The following IDE variants were observed in gnomAD, a reference collection of about 807,000 sequenced individuals.
IDE encodes insulin degrading enzyme.
A neutral mutation model predicts 133.2 loss-of-function variants in IDE; 58 were observed. The observed-to-expected ratio is 0.44, with a 90% CI of 0.35 to 0.54. The LOEUF is 0.54. Among genes scored for constraint, IDE ranks in the 20% least tolerant of loss-of-function variants. The probability of loss-of-function intolerance (pLI) is 0.00; values close to 1 mark genes in which losing one functional copy is unlikely to be tolerated. For synonymous variants in IDE, 396 were observed against 421.3 expected (o/e 0.94, Z 0.73); for missense variants, 981 against 1,234.0 (o/e 0.79, Z 3.07).
intron 1 of IDE, among the ~76,000 whole-genome samples, chr10:92,573,584 G>A (rs1034193773): frequency 6.6e-6 from 1 of 152,182 alleles, no homozygotes; most frequent in Non-Finnish European, 1.5e-5. Flanking sequence ...GGAGAGTGAC[G>A]CGGCGCGGCT....
At chr10:92,467,117 C>G (rs1845735481) in intron 19 of IDE, among the ~76,000 whole-genome samples, 2 of 152,028 alleles carry the variant, frequency 1.3e-5, no homozygotes, top group African/African-American at 4.8e-5. Flanking sequence ...CTCTGGCACC[C>G]AGACTGGAGT....
rs186796901 is a variant in IDE, at chr10:92,467,304, T to G, written c.2321-1461A>C. ...CCCAGCCTAATCTCAAATTCCTGGC[T>G]TCAAGCAATCTTTTTACCTTGGCCT... On this transcript the variant is annotated intron_variant, in intron 19 of 24. Coordinates refer to ENST00000265986, the MANE Select transcript of IDE (RefSeq NM_004969.4). Among the ~76,000 whole-genome samples, 17 of 152,152 alleles carry G rather than the reference T, an allele frequency of 1.1e-4. No individual in the cohort carries two copies. The East Asian group carries it at 3.3e-3, about 30-fold the overall frequency.
chr10:92,462,619 A>G (rs1384121730), intron 21 of IDE, among the ~76,000 whole-genome samples: 2 of 152,140 alleles, frequency 1.3e-5, no homozygotes, highest in Admixed American at 1.3e-4. Context: ...AAAAAAAAAT[A>G]ATAAGTGGAT....
chr10:92,562,552 C>A (rs568729882), intron 1 of IDE, among the ~76,000 whole-genome samples: 1 of 152,124 alleles, frequency 6.6e-6, no homozygotes, highest in Non-Finnish European at 1.5e-5. Context: ...AACTGGATGG[C>A]AGTTTAAAGT....
intron 1 of IDE, among the ~76,000 whole-genome samples, chr10:92,568,652 C>T (rs1373835260): frequency 1.3e-5 from 2 of 151,980 alleles, no homozygotes; most frequent in African/African-American, 4.8e-5. Flanking sequence ...CCCATGTCTA[C>T]TAAAAATACA....
At chr10:92,560,439 C>T (rs959212641) in intron 1 of IDE, among the ~76,000 whole-genome samples, 3 of 152,128 alleles carry the variant, frequency 2.0e-5, no homozygotes, top group Non-Finnish European at 4.4e-5. Context: ...ACTGTTTGCT[C>T]TCTTTTCTCC....
intron 9 of IDE, among the ~76,000 whole-genome samples, 184 bp downstream of exon 9, chr10:92,507,391 C>G (rs1218801402): frequency 6.6e-6 from 1 of 152,090 alleles, no homozygotes; most frequent in Non-Finnish European, 1.5e-5. Context: ...AGTTGTGCCC[C>G]AAGTAGCAAA....
chr10:92,561,266 T>A (rs890028673), intron 1 of IDE, among the ~76,000 whole-genome samples: 3 of 144,622 alleles, frequency 2.1e-5, no homozygotes, highest in Non-Finnish European at 4.6e-5. Flanking sequence ...AAAAAAAAAA[T>A]AAATAAGTAA....
At chr10:92,482,338 A>C (rs1207147608) in intron 14 of IDE, among the ~76,000 whole-genome samples, 1 of 152,234 alleles carries the variant, frequency 6.6e-6, no homozygotes, top group Non-Finnish European at 1.5e-5. Context: ...ATTAACACAC[A>C]AATAAGTAAA....
intron 2 of IDE, among the ~76,000 whole-genome samples, chr10:92,535,990 T>C (rs1414610855): frequency 1.3e-5 from 2 of 149,844 alleles, no homozygotes; most frequent in Admixed American, 6.7e-5. Flanking sequence ...GAGCGGAGAT[T>C]GCGCCACTGC....
chr10:92,560,021 A>G (rs931503944), intron 1 of IDE, among the ~76,000 whole-genome samples: 1 of 152,218 alleles, frequency 6.6e-6, no homozygotes, highest in African/African-American at 2.4e-5. Context: ...CTTATTTAAA[A>G]ACTCAATTGT....
chr10:92,515,687 T>C (rs999696907), intron 4 of IDE, among the ~76,000 whole-genome samples: 7 of 149,710 alleles, frequency 4.7e-5, no homozygotes, highest in South Asian at 2.2e-4. Flanking sequence ...TCTGCCTCTC[T>C]AGTAGCTGGA....
At chr10:92,524,830 G>A (rs1334614912) in intron 4 of IDE, among the ~76,000 whole-genome samples, 1 of 151,966 alleles carries the variant, frequency 6.6e-6, no homozygotes, top group Middle Eastern at 3.4e-3. Flanking sequence ...GCTGAGGCAG[G>A]AGAATTGCTT....
intron 12 of IDE, 48 bp from the exon 13 acceptor site, chr10:92,487,366 A>C (rs1379984757): frequency 6.6e-7 from 1 of 1,505,838 alleles, no homozygotes; most frequent in East Asian, 2.3e-5. Context: ...CTGATTTAAG[A>C]GTTTAAAATA....
chr10:92,477,854 G>A (rs533509551), intron 15 of IDE, among the ~76,000 whole-genome samples: 1 of 152,074 alleles, frequency 6.6e-6, no homozygotes, highest in Non-Finnish European at 1.5e-5. Flanking sequence ...TCTGGGAATG[G>A]TTAGATTAAT....
intron 5 of IDE, among the ~76,000 whole-genome samples, chr10:92,511,101 A>AC (rs1848604007): frequency 7.6e-6 from 1 of 132,436 alleles, no homozygotes; most frequent in South Asian, 2.4e-4. Context: ...AAAAAAAAAA[A>AC]CTTTTTTTTT....
At chr10:92,478,187 G>A (rs1460185281) in intron 15 of IDE, among the ~76,000 whole-genome samples, 3 of 152,192 alleles carry the variant, frequency 2.0e-5, no homozygotes, top group African/African-American at 7.2e-5. Flanking sequence ...CACACATAAA[G>A]TAGGTAATGG....
At chr10:92,538,778 C>CAA (rs1554848872) in intron 1 of IDE, among the ~76,000 whole-genome samples, 9 of 41,588 alleles carry the variant, frequency 2.2e-4, no homozygotes, top group Non-Finnish European at 2.1e-4. Flanking sequence ...GCTTAATAGA[C>CAA]AAAAAAAAAA....
intron 11 of IDE, among the ~76,000 whole-genome samples, chr10:92,492,653 G>A (rs1847427057): frequency 6.6e-6 from 1 of 152,120 alleles, no homozygotes; most frequent in South Asian, 2.1e-4. Context: ...GTTCCTGCTT[G>A]TTCTCACCTA....
Sources: gnomAD v4.1 joint callset for allele counts (sites outside exome capture counted in the v4.1 genomes callset) on GRCh38, gnomAD v4.1.1 for gene constraint, MANE v1.5 for transcripts, NCBI Gene and HGNC (gene_info 2026-07-23, HGNC 2026-07-21) for gene names.